Variants in SNX29 observed in about 807,000 individuals in gnomAD.
SNX29 encodes sorting nexin-29.
In SNX29, 78 loss-of-function variants were observed where a neutral mutation model predicts 102.1. That is an observed-to-expected ratio of 0.76 (90% CI 0.64 to 0.92). SNX29 has a LOEUF of 0.92. Among genes scored for constraint, SNX29 ranks in the 40% least tolerant of loss-of-function variants. SNX29 has a pLI of 0.00. For synonymous variants in SNX29, 580 were observed against 414.5 expected, an observed-to-expected ratio of 1.40 and a Z score of -4.85; for missense variants, 1,280 against 1,061.7, an observed-to-expected ratio of 1.21 and a Z score of -2.86.
At chr16:12,269,945 C>T (rs1023638889) in intron 14 of SNX29, among the ~76,000 whole-genome samples, 1 of 152,022 alleles carries the variant, frequency 6.6e-6, no homozygotes, top group Non-Finnish European at 1.5e-5. Flanking sequence ...GCTGCAGTTT[C>T]CATCTCCCAG....
chr16:11,983,901 A>G (rs1320390102), intron 1 of SNX29, among the ~76,000 whole-genome samples: 2 of 152,246 alleles, frequency 1.3e-5, no homozygotes, highest in African/African-American at 4.8e-5. Flanking sequence ...GGGGGTGAAC[A>G]CTGGTTCTCA....
intron 13 of SNX29, among the ~76,000 whole-genome samples, chr16:12,134,481 GT>G (rs2054587954): frequency 6.6e-6 from 1 of 152,190 alleles, no homozygotes; most frequent in East Asian, 1.9e-4. Flanking sequence ...TCCTGTGGCT[GT>G]TGGCAGGAGG....
chr16:12,434,709 G>A (rs1374814715), intron 18 of SNX29, among the ~76,000 whole-genome samples: 2 of 151,988 alleles, frequency 1.3e-5, no homozygotes, highest in East Asian at 1.9e-4. Context: ...ATCTGACACC[G>A]AAGGCCCTGC....
chr16:12,214,444 C>T (rs1447603403), intron 14 of SNX29, among the ~76,000 whole-genome samples: 2 of 152,176 alleles, frequency 1.3e-5, no homozygotes, highest in East Asian at 3.9e-4. Context: ...TGTAAAAAGC[C>T]ACTTTGATTT....
intron 20 of SNX29, among the ~76,000 whole-genome samples, chr16:12,553,681 C>G (rs953895753): frequency 2.0e-5 from 3 of 149,320 alleles, no homozygotes; most frequent in Non-Finnish European, 4.4e-5. Context: ...ACCTCCGCCT[C>G]CTGGGTTCAA....
At chr16:12,257,023 G>C (rs1381378660) in intron 14 of SNX29, among the ~76,000 whole-genome samples, 1 of 152,176 alleles carries the variant, frequency 6.6e-6, no homozygotes, top group African/African-American at 2.4e-5. Context: ...GATTTCAATG[G>C]GCTGAATGAG....
intron 13 of SNX29, among the ~76,000 whole-genome samples, chr16:12,154,108 T>C (rs962953877): frequency 6.6e-6 from 1 of 152,190 alleles, no homozygotes; most frequent in South Asian, 2.1e-4. Context: ...GTTTTCCCTC[T>C]CTCCCTACCT....
chr16:12,116,433 A>T (rs1218782822), intron 11 of SNX29, among the ~76,000 whole-genome samples: 1 of 152,224 alleles, frequency 6.6e-6, no homozygotes, highest in Non-Finnish European at 1.5e-5. Flanking sequence ...CCACTTTGGG[A>T]GGCCAAGGCG....
intron 13 of SNX29, among the ~76,000 whole-genome samples, chr16:12,130,849 C>T (rs1048887062): frequency 2.6e-5 from 4 of 152,106 alleles, no homozygotes; most frequent in African/African-American, 7.2e-5. Context: ...TTTTTAAGAG[C>T]TCCTGACATT....
At chr16:12,335,699 G>A (rs922640276) in intron 15 of SNX29, among the ~76,000 whole-genome samples, 1 of 151,950 alleles carries the variant, frequency 6.6e-6, no homozygotes, top group Non-Finnish European at 1.5e-5. Flanking sequence ...GGGGAAGCTG[G>A]TGGTCATGAT....
Position 12,569,519 on chromosome 16 carries a change from A to G in SNX29, c.*890A>G. The G allele has an allele frequency of 4.3e-6, 1 of 231,834 alleles. No individual in the cohort carries two copies. The highest frequency in any genetic ancestry group is 6.1e-5 in the East Asian group (1 of 16,376). 14.4% of individuals were successfully genotyped at this position (231,834 alleles called of 1,614,324 possible). ...CAGGGTTTTCAAACCAGGCTCCATG[A>G]CTATGAAGTTGGACCCAGTGTGGAC... On this transcript the variant is annotated 3_prime_UTR_variant, in exon 21 of 21. Transcript: ENST00000566228.
At chr16:12,036,213 G>A (rs1394495269) in intron 4 of SNX29, among the ~76,000 whole-genome samples, 1 of 151,214 alleles carries the variant, frequency 6.6e-6, no homozygotes, top group Admixed American at 6.6e-5. Flanking sequence ...TAGCTGGGAC[G>A]ACAGGTGTGT....
At chr16:12,427,175 A>C (rs1429786221) in intron 18 of SNX29, among the ~76,000 whole-genome samples, 1 of 152,014 alleles carries the variant, frequency 6.6e-6, no homozygotes, top group African/African-American at 2.4e-5. Context: ...CTAGCTGGGA[A>C]ATGACTCAAG....
chr16:12,197,940 C>A (rs2076818976), intron 13 of SNX29, among the ~76,000 whole-genome samples: 1 of 151,962 alleles, frequency 6.6e-6, no homozygotes, highest in Non-Finnish European at 1.5e-5. Flanking sequence ...TAGTCAGCTG[C>A]ATTGAAAACA....
chr16:12,467,717 T>C (rs1366258926), intron 18 of SNX29, among the ~76,000 whole-genome samples: 2 of 152,000 alleles, frequency 1.3e-5, no homozygotes, highest in Admixed American at 6.6e-5. Flanking sequence ...GAATATATAC[T>C]GAGTGTTTCT....
chr16:12,052,073 A>G lies in SNX29; in HGVS notation c.975A>G (p.Lys325=). Residue 325 remains lysine (K), a synonymous_variant, in exon 8 of 21, where the codon AAA becomes AAG. Coordinates refer to ENST00000566228, the MANE Select transcript of SNX29 (RefSeq NM_032167.5). ...SNGSQSSNSW[K]IDSLSLNGEF... is the part of the protein sequence containing the mutation. ...GAAGTCAGAGCAGCAACTCATGGAA[A>G]ATTGATTCCCTGTCTTTGAACGGGG... The G allele has an allele frequency of 6.2e-7, 1 of 1,613,948 alleles. No homozygotes were observed. Among genetic ancestry groups the G allele is most frequent in the Non-Finnish European group, 8.5e-7 (1 of 1,179,866 alleles).
intron 15 of SNX29, among the ~76,000 whole-genome samples, chr16:12,327,735 C>A (rs199994957): frequency 2.6e-5 from 4 of 151,756 alleles, no homozygotes; most frequent in Non-Finnish European, 4.4e-5. Context: ...CGGAGAGAGA[C>A]AGAGAGAGGA....
intron 15 of SNX29, among the ~76,000 whole-genome samples, chr16:12,328,462 G>A (rs1468345077): frequency 1.3e-5 from 2 of 152,162 alleles, no homozygotes; most frequent in Admixed American, 6.5e-5. Context: ...ACAACTCTTA[G>A]AAGCACAGGC....
chr16:11,995,554 C>T (rs1323399482), intron 1 of SNX29, among the ~76,000 whole-genome samples: 3 of 151,562 alleles, frequency 2.0e-5, no homozygotes, highest in Admixed American at 1.3e-4. Flanking sequence ...TTTTCTTCCC[C>T]CCCCACCCCA....
Sources: gnomAD v4.1 joint callset for allele counts (sites outside exome capture counted in the v4.1 genomes callset) on GRCh38, gnomAD v4.1.1 for gene constraint, MANE v1.5 for transcripts, NCBI Gene and HGNC (gene_info 2026-07-23, HGNC 2026-07-21) for gene names.